Variants in GATAD2A observed in about 807,000 individuals in gnomAD.
GATAD2A encodes the protein transcriptional repressor p66-alpha.
Under a neutral mutation model 68.5 loss-of-function variants are expected in GATAD2A, and 12 were observed. The observed-to-expected ratio is 0.18, with a 90% CI of 0.11 to 0.28. The LOEUF is 0.28. Ranked by LOEUF, GATAD2A falls within the 10% of genes least tolerant of loss-of-function variation. GATAD2A has a pLI of 1.00. For missense variants in GATAD2A, 755 were observed against 868.5 expected (o/e 0.87, Z 1.64); for synonymous variants, 410 against 375.3 (o/e 1.09, Z -1.07).
chr19:19,436,233 G>T (rs745447026), intron 1 of GATAD2A: 1 of 1,334,118 alleles, frequency 7.5e-7, no homozygotes, highest in Non-Finnish European at 1.0e-6. Context: ...AGTGCTTGGG[G>T]TGTAGTGTCT....
chr19:19,446,386 CTT>C (rs113539133), intron 1 of GATAD2A, among the ~76,000 whole-genome samples: 1 of 151,648 alleles, frequency 6.6e-6, no homozygotes, highest in Non-Finnish European at 1.5e-5. Context: ...GGTTGCTTGT[CTT>C]TTTGTTGCTG....
At chr19:19,400,712 T>C (rs556036044), upstream of GATAD2A, among the ~76,000 whole-genome samples, 1 of 152,268 alleles carries the variant, frequency 6.6e-6, no homozygotes, top group African/African-American at 2.4e-5. Context: ...TCCCAGCCAA[T>C]TGCATTGTAA....
intron 2 of GATAD2A, among the ~76,000 whole-genome samples, chr19:19,484,250 C>A (rs1428896552): frequency 6.6e-6 from 1 of 152,058 alleles, no homozygotes; most frequent in African/African-American, 2.4e-5. Flanking sequence ...GAGTGAGAGA[C>A]CCTGTCTCAA....
rs116882085 is a variant in GATAD2A, at chr19:19,453,647, C to T, written c.-6-11693C>T. ...CGTAGCTGAGACCACAGGCGTGTAC[C>T]ACCACAACTGGCTATTTTTTAATTT... On this transcript the variant is annotated intron_variant, in intron 1 of 11. Coordinates refer to ENST00000683918, the MANE Select transcript of GATAD2A (RefSeq NM_001384528.1). Among the ~76,000 whole-genome samples the T allele has an allele frequency of 1.5e-3, 235 of 151,786 alleles. 9 individuals carry two copies. The East Asian group carries it at 0.042, about 27-fold the overall frequency.
At chr19:19,444,129 C>T (rs2055418079) in intron 1 of GATAD2A, among the ~76,000 whole-genome samples, 1 of 152,130 alleles carries the variant, frequency 6.6e-6, no homozygotes, top group Non-Finnish European at 1.5e-5. Context: ...TCTGGGCCTC[C>T]TTCCTGTCGC....
intron 1 of GATAD2A, among the ~76,000 whole-genome samples, chr19:19,399,748 A>T (rs752743354): frequency 6.6e-6 from 1 of 152,168 alleles, no homozygotes; most frequent in South Asian, 2.1e-4. Context: ...GCATTTCACT[A>T]TAAATGGGGG....
chr19:19,463,601 GC>G (rs2057639146), intron 1 of GATAD2A, among the ~76,000 whole-genome samples: 1 of 152,206 alleles, frequency 6.6e-6, no homozygotes, highest in Non-Finnish European at 1.5e-5. Flanking sequence ...TGCCAGAGGG[GC>G]TGGGGACAGG....
Position 19,501,130 on chromosome 19 carries a change from C to T in GATAD2A, c.1217C>T (p.Ser406Leu), listed in dbSNP as rs144737903. 1.8e-5 allele frequency: 29 copies of T among 1,607,704 alleles called. No individual in the cohort carries two copies. The highest frequency in any genetic ancestry group is 2.4e-5 in the Non-Finnish European group (28 of 1,175,636). ...TGTCTGCTTGCAGCAGGCAGGATGTCGGCCGCCACTGTGCTGTCCCGGGAG... is the reference window on the plus strand; with the variant it reads ...TGTCTGCTTGCAGCAGGCAGGATGTTGGCCGCCACTGTGCTGTCCCGGGAG... ...NLLETQAGRM[S>L]AATVLSREPY... Residue 406 changes from serine to leucine, a missense_variant, in exon 9 of 12, where the codon TCG (serine) becomes TTG (leucine). Physicochemically the swap from Ser to Leu is moderately radical, Grantham distance 145. Coordinates refer to ENST00000683918, the MANE Select transcript of GATAD2A (RefSeq NM_001384528.1).
At chr19:19,504,317 T>TC (rs2060738285) in intron 11 of GATAD2A, among the ~76,000 whole-genome samples, 1 of 152,222 alleles carries the variant, frequency 6.6e-6, no homozygotes, top group Non-Finnish European at 1.5e-5. Context: ...ATCATGGAAA[T>TC]TTGGAAAATA....
At chr19:19,411,960 C>T (rs766221025) in intron 1 of GATAD2A, among the ~76,000 whole-genome samples, 9 of 152,028 alleles carry the variant, frequency 5.9e-5, no homozygotes, top group Admixed American at 1.3e-4. Flanking sequence ...AGGTCAAGGC[C>T]GGGCGCGGCA....
At position 19,465,271 on chromosome 19, in the gene GATAD2A, A is replaced by G; in HGVS notation, c.-6-69A>G. On this transcript the variant is annotated intron_variant, in intron 1 of 11. Transcript: ENST00000683918. ...AGGAAAACACTGAAAGCAACACTGA[A>G]AAGTCTCCAAGAAGGTGGCACCTTC... is the stretch of plus-strand genomic sequence containing the variant. 5.0e-6 allele frequency: 6 copies of G among 1,199,480 alleles called. No individual in the cohort carries two copies. In the South Asian group the frequency reaches 7.5e-5, roughly 15 times the overall value. 74.3% of individuals were successfully genotyped at this position (1,199,480 alleles called of 1,614,324 possible).
intron 1 of GATAD2A, among the ~76,000 whole-genome samples, chr19:19,436,476 T>A (rs2054361819): frequency 6.6e-6 from 1 of 152,248 alleles, no homozygotes; most frequent in Admixed American, 6.5e-5. Context: ...AAGATGAGCC[T>A]GTCCTCTCTG....
At chr19:19,404,752 G>T (rs2050036636), upstream of GATAD2A, among the ~76,000 whole-genome samples, 1 of 152,194 alleles carries the variant, frequency 6.6e-6, no homozygotes, top group Non-Finnish European at 1.5e-5. Context: ...TTTTGTTTCA[G>T]TTGTACATAT....
chr19:19,399,508 T>C (rs1338593909), intron 1 of GATAD2A, among the ~76,000 whole-genome samples: 1 of 152,230 alleles, frequency 6.6e-6, no homozygotes. Flanking sequence ...AAACTTTCAC[T>C]GCATTTTCAA....
At chr19:19,474,833 C>T (rs2058560864) in intron 2 of GATAD2A, among the ~76,000 whole-genome samples, 1 of 152,198 alleles carries the variant, frequency 6.6e-6, no homozygotes, top group Admixed American at 6.5e-5. Context: ...ATACCGTCTT[C>T]ACTTGTTGTT....
chr19:19,479,516 ACTTT>A (rs2058905782), intron 2 of GATAD2A, among the ~76,000 whole-genome samples: 1 of 151,974 alleles, frequency 6.6e-6, no homozygotes, highest in Non-Finnish European at 1.5e-5. Flanking sequence ...AGTTTCTCGT[ACTTT>A]CTTTGTTTTG....
rs200614066 is a variant in GATAD2A at position 19,502,396 on chromosome 19, G to A, written c.1644G>A (p.Pro548=). The A allele has an allele frequency of 2.2e-5, 35 of 1,613,672 alleles. No homozygotes were observed. The highest frequency in any genetic ancestry group is 1.6e-5 in the Non-Finnish European group (19 of 1,179,900). ...TPRGVLHTFS[P]SPKLQNSASA... is the part of the protein sequence containing the mutation. ...GAGGTGTCCTGCACACGTTCAGTCC[G>A]TCACCCAAACTGCAGAACTCAGCCT... The change falls in exon 11 of 12, where the codon CCG becomes CCA. Residue 548 remains proline (P), a synonymous_variant. Transcript: ENST00000683918.
At chr19:19,456,928 G>C (rs1382188356) in intron 1 of GATAD2A, among the ~76,000 whole-genome samples, 1 of 152,194 alleles carries the variant, frequency 6.6e-6, no homozygotes, top group Non-Finnish European at 1.5e-5. Context: ...ACAGGTGGTT[G>C]TGGGGTAGAT....
In GATAD2A at chr19:19,505,376, G is replaced by A; in HGVS notation, c.1807G>A (p.Ala603Thr). 6.2e-7 allele frequency: 1 copy of A among 1,613,362 alleles called. No individual in the cohort carries two copies. The highest frequency in any genetic ancestry group is 8.5e-7 in the Non-Finnish European group (1 of 1,179,762). The change falls in exon 12 of 12, where the codon GCG (alanine) becomes ACG (threonine). Residue 603 changes from alanine to threonine, a missense_variant. Coordinates refer to ENST00000683918, the MANE Select transcript of GATAD2A (RefSeq NM_001384528.1). ...GTLAFVSPSLAVHKSSSAVDR... is the reference protein window; with the variant it reads ...GTLAFVSPSLTVHKSSSAVDR... ...CCTTGCGTTTGTCAGCCCAAGCCTG[G>A]CGGTGCACAAGAGCTCCTCGGCCGT...
Sources: gnomAD v4.1 joint callset for allele counts (sites outside exome capture counted in the v4.1 genomes callset) on GRCh38, gnomAD v4.1.1 for gene constraint, MANE v1.5 for transcripts, NCBI Gene and HGNC (gene_info 2026-07-23, HGNC 2026-07-21) for gene names.